PNISR: variants seen among roughly 807,000 people sequenced by gnomAD.
The protein encoded by PNISR is PNN interacting serine and arginine rich protein, also known as arginine/serine-rich protein PNISR.
In PNISR, 20 loss-of-function variants were observed where a neutral mutation model predicts 93.4. The observed-to-expected ratio is 0.21, with a 90% CI of 0.15 to 0.31. The LOEUF is 0.31. PNISR is among the 10% of genes least tolerant of loss of function. PNISR has a pLI of 1.00. For missense variants in PNISR, 893 were observed against 985.4 expected (o/e 0.91, Z 1.25); for synonymous variants, 305 against 306.5 (o/e 0.99, Z 0.05).
intron 4 of PNISR, chr6:99,412,121 C>T (rs1187608804): frequency 1.7e-5 from 5 of 290,598 alleles, no homozygotes; most frequent in African/African-American, 4.4e-5. Context: ...AAAAGGTAGG[C>T]GGATGGTAGG....
In PNISR at chr6:99,406,090, C is replaced by G; in HGVS notation, c.943G>C (p.Val315Leu). Residue 315 changes from valine (V) to leucine (L), a missense_variant, in exon 8 of 12, where the codon GTT (valine) becomes CTT (leucine). By Grantham distance (32) the Val-to-Leu change is conservative (BLOSUM62 1). Around this residue, in one of 3 missense-constraint regions of PNISR, gnomAD observed 866 missense variants for 935.1 expected, o/e 0.93. Transcript: ENST00000369239. The stretch of plus-strand genomic sequence containing the variant: ...GGGTCACTGTGCTCTTCTTGAGGAA[C>G]TGGGGATGGACTTCTGGTGACTTTC... ...SGKVTRSPSP[V>L]PQEEHSDPEM... is the part of the protein sequence containing the mutation. The G allele has an allele frequency of 6.2e-7, 1 of 1,611,008 alleles. No homozygotes were observed. Among genetic ancestry groups the G allele is most frequent in the South Asian group, 1.1e-5 (1 of 91,006 alleles).
chr6:99,413,234 C>T (rs995018689), intron 3 of PNISR, among the ~76,000 whole-genome samples: 2 of 152,070 alleles, frequency 1.3e-5, no homozygotes, highest in African/African-American at 2.4e-5. Context: ...CTTATGGTTG[C>T]CCTTCTTTAA....
At chr6:99,410,713 A>C in intron 5 of PNISR, 28 bp downstream of exon 5, 16 of 1,524,336 alleles carry the variant, frequency 1.0e-5, no homozygotes, top group Non-Finnish European at 1.5e-5. Context: ...GCACATCTAC[A>C]ATATTAAAGC....
In PNISR at chr6:99,398,474, C is replaced by T. The variant is rs539090116; in HGVS notation, c.*2066G>A. The T allele has an allele frequency of 5.9e-5, 9 of 152,072 alleles. No individual in the cohort carries two copies. The East Asian group carries it at 1.4e-3, about 23-fold the overall frequency. 9.4% of individuals were successfully genotyped at this position (152,072 alleles called of 1,614,324 possible). Reference sequence around the variant, plus strand: ...TCTGCCACTAAAAGTCTGAAAAACCCAAATATCAAATTATAACACTGGTTT... The same window carrying T: ...TCTGCCACTAAAAGTCTGAAAAACCTAAATATCAAATTATAACACTGGTTT... On this transcript the variant is annotated 3_prime_UTR_variant, in exon 12 of 12. Transcript: ENST00000369239.
chr6:99,421,994 T>C (rs1778626999), intron 1 of PNISR, among the ~76,000 whole-genome samples: 1 of 151,890 alleles, frequency 6.6e-6, no homozygotes, highest in African/African-American at 2.4e-5. Context: ...GCCTCCCGAG[T>C]AGCTGGGACT....
intron 8 of PNISR, 38 bp from the exon 9 acceptor site, chr6:99,404,740 A>G: frequency 1.0e-6 from 1 of 957,780 alleles, no homozygotes; most frequent in Non-Finnish European, 1.7e-6. Context: ...TCTAATTATT[A>G]TAGCTACTAA....
At chr6:99,416,091 T>G (rs1777658407) in intron 2 of PNISR, 3 of 276,370 alleles carry the variant, frequency 1.1e-5, no homozygotes, top group African/African-American at 6.5e-5. Flanking sequence ...AAATAGGCAC[T>G]ACATAGCACA....
chr6:99,400,613 C>A lies in PNISR; in HGVS notation c.2345G>T (p.Arg782Leu). 2 of 1,614,054 alleles carry A rather than the reference C, an allele frequency of 1.2e-6. No individual in the cohort carries two copies. The change falls in exon 12 of 12, where the codon CGA becomes CTA. Residue 782 changes from arginine to leucine, a missense_variant. By Grantham distance (102) the Arg-to-Leu change is moderately radical. Around this residue, in one of 3 missense-constraint regions of PNISR, gnomAD observed 866 missense variants for 935.1 expected, o/e 0.93. Transcript: ENST00000369239. ...AGACCTTTGAGATTTCTCCACGGAT[C>A]GCGATCGACTATGTTTAGGCTTCTT... ...KAKKPKHSRS[R>L]SVEKSQRSGK...
chr6:99,407,486 C>T (rs1776314769), intron 7 of PNISR, among the ~76,000 whole-genome samples: 1 of 151,958 alleles, frequency 6.6e-6, no homozygotes, highest in African/African-American at 2.4e-5. Flanking sequence ...AAACTAATAC[C>T]TGCCAAAATC....
chr6:99,404,510 T>C (rs766187236), intron 9 of PNISR, 93 bp downstream of exon 9: 8 of 757,648 alleles, frequency 1.1e-5, no homozygotes, highest in African/African-American at 5.1e-5. Context: ...AAATATCTGG[T>C]AGAAATCCAA....
At chr6:99,406,305 A>G (rs2128482270) in intron 7 of PNISR, 137 bp from the exon 8 acceptor site, 2 of 448,826 alleles carry the variant, frequency 4.5e-6, no homozygotes, top group East Asian at 3.4e-5. Flanking sequence ...TCTAAATTAC[A>G]TTTACTACAG....
chr6:99,419,152 C>CAAAAAAA (rs1166838873), intron 1 of PNISR, among the ~76,000 whole-genome samples: 267 of 19,824 alleles, frequency 0.013, 94 homozygotes, highest in Non-Finnish European at 0.022. Flanking sequence ...GACTCCGTCT[C>CAAAAAAA]AAAAAAAAAA....
At chr6:99,409,586 A>C (rs1192952814) in intron 5 of PNISR, 2 of 358,764 alleles carry the variant, frequency 5.6e-6, no homozygotes, top group Non-Finnish European at 5.0e-6. Flanking sequence ...ACTTTCAAGA[A>C]GTATATGAAA....
chr6:99,412,447 A>T, intron 4 of PNISR, 104 bp downstream of exon 4: 1 of 812,714 alleles, frequency 1.2e-6, no homozygotes, highest in Non-Finnish European at 2.1e-6. Context: ...TTTAAGAAGC[A>T]TTAATTTCCA....
At chr6:99,402,775 G>C (rs1775675793) in intron 10 of PNISR, 65 bp from the exon 11 acceptor site, 11 of 1,195,600 alleles carry the variant, frequency 9.2e-6, no homozygotes, top group Non-Finnish European at 1.0e-5. Flanking sequence ...AACTTTTCAA[G>C]GTCTGAGAAG....
At chr6:99,409,377 A>T in intron 5 of PNISR, 33 bp from the exon 6 acceptor site, 1 of 1,593,454 alleles carries the variant, frequency 6.3e-7, no homozygotes, top group Non-Finnish European at 8.6e-7. Context: ...TTTTTCTTCA[A>T]ATTAATACAA....
At position 99,412,433 on chromosome 6, in the gene PNISR, ATTCT is replaced by A; in HGVS notation, c.277+114_277+117del. 6.5e-6 allele frequency: 5 copies of A among 764,660 alleles called. No individual in the cohort carries two copies. In the South Asian group the frequency reaches 7.3e-5, roughly 11 times the overall value. 47.4% of individuals were successfully genotyped at this position (764,660 alleles called of 1,614,324 possible). A position where few individuals can be genotyped will look rare whatever the true frequency, so the allele number is the denominator to read the frequency against. On this transcript the variant is annotated intron_variant, in intron 4 of 11. Coordinates refer to ENST00000369239, the MANE Select transcript of PNISR (RefSeq NM_032870.4). ...AGTCAAATCAAATTGAAAACTGCCT[ATTCT>A]TTAAGAAGCATTAATTTCCAGAAGT... is the stretch of plus-strand genomic sequence containing the variant.
intron 4 of PNISR, among the ~76,000 whole-genome samples, chr6:99,411,521 G>A (rs1776909426): frequency 6.6e-6 from 1 of 152,166 alleles, no homozygotes; most frequent in Non-Finnish European, 1.5e-5. Context: ...CAAATGTGGG[G>A]AAATTTCACT....
chr6:99,407,948 T>G, intron 7 of PNISR, 133 bp downstream of exon 7: 1 of 638,108 alleles, frequency 1.6e-6, no homozygotes, highest in Non-Finnish European at 2.7e-6. Context: ...ATCAGAATCC[T>G]CAATATACTT....
Sources: gnomAD v4.1 joint callset for allele counts (sites outside exome capture counted in the v4.1 genomes callset) on GRCh38, gnomAD v4.1.1 for gene constraint, gnomAD v4.1.1 regional missense constraint, MANE v1.5 for transcripts, NCBI Gene and HGNC (gene_info 2026-07-23, HGNC 2026-07-21) for gene names.